WDR75: variants seen among roughly 807,000 people sequenced by gnomAD.
WDR75 encodes WD repeat domain 75, also known as WD repeat-containing protein 75.
WDR75 carries 52 observed loss-of-function variants against 106.1 expected under a neutral mutation model. The observed-to-expected ratio is 0.49, with a 90% CI of 0.39 to 0.62. The LOEUF (loss-of-function observed/expected upper bound fraction) is 0.62. Ranked by LOEUF, WDR75 falls within the 20% of genes least tolerant of loss-of-function variation. The probability of loss-of-function intolerance (pLI) is 0.00; values close to 1 mark genes in which losing one functional copy is unlikely to be tolerated. For missense variants in WDR75, 905 were observed against 970.3 expected (o/e 0.93, Z 0.89); for synonymous variants, 333 against 335.5 (o/e 0.99, Z 0.08).
At chr2:189,459,584 A>G (rs1158279861) in intron 8 of WDR75, among the ~76,000 whole-genome samples, 160 bp downstream of exon 8, 2 of 152,224 alleles carry the variant, frequency 1.3e-5, no homozygotes, top group African/African-American at 2.4e-5. Flanking sequence ...TCAGCACAAT[A>G]TGCTTTAGGT....
intron 18 of WDR75, among the ~76,000 whole-genome samples, chr2:189,472,907 A>T (rs906740200): frequency 1.0e-5 from 1 of 95,680 alleles, no homozygotes; most frequent in Non-Finnish European, 2.5e-5. Context: ...ATGCTAGAGG[A>T]AAAAAAAAAG....
At position 189,447,203 on chromosome 2, in the gene WDR75, T is replaced by C. The variant is rs146684990; in HGVS notation, c.87-1176T>C. ...TATAATAGACACAGAGCAAATACTT[T>C]TTACTTGGAAGATACAAGAAGATTT... On this transcript the variant is annotated intron_variant, in intron 1 of 20. Transcript: ENST00000314761. Among the ~76,000 whole-genome samples the C allele has an allele frequency of 6.4e-3, 982 of 152,328 alleles. 3 individuals carry two copies. Among genetic ancestry groups the C allele is most frequent in the Non-Finnish European group, 0.011 (720 of 68,022 alleles).
intron 1 of WDR75, among the ~76,000 whole-genome samples, 157 bp from the exon 2 acceptor site, chr2:189,448,222 A>G (rs973266131): frequency 6.6e-6 from 1 of 152,208 alleles, no homozygotes; most frequent in African/African-American, 2.4e-5. Flanking sequence ...CTAGGCTCCC[A>G]CCTGTAATCT....
intron 7 of WDR75, 51 bp downstream of exon 7, chr2:189,458,923 T>C (rs771900001): frequency 6.5e-7 from 1 of 1,540,140 alleles, no homozygotes; most frequent in Non-Finnish European, 8.7e-7. Context: ...TATTTTACGT[T>C]AGTCCTGTAG....
At chr2:189,455,109 C>G (rs1195406859) in intron 4 of WDR75, among the ~76,000 whole-genome samples, 1 of 151,974 alleles carries the variant, frequency 6.6e-6, no homozygotes, top group African/African-American at 2.4e-5. Flanking sequence ...GGCTTGATGT[C>G]ACATGCCTGT....
At chr2:189,462,715 A>C in intron 9 of WDR75, 73 bp downstream of exon 9, 1 of 1,415,604 alleles carries the variant, frequency 7.1e-7, no homozygotes, top group South Asian at 1.3e-5. Flanking sequence ...GGGAACAGAG[A>C]ATAAAGAGAC....
At chr2:189,471,382 G>A (rs1461684352) in intron 18 of WDR75, among the ~76,000 whole-genome samples, 2 of 152,108 alleles carry the variant, frequency 1.3e-5, no homozygotes, top group Non-Finnish European at 2.9e-5. Context: ...TCCCCATATG[G>A]GTAAATGTTA....
chr2:189,453,583 G>C (rs950903483), intron 4 of WDR75, among the ~76,000 whole-genome samples: 1 of 152,154 alleles, frequency 6.6e-6, no homozygotes, highest in African/African-American at 2.4e-5. Context: ...CTGATCTAAA[G>C]TAAAGATCTT....
rs752687566 is a variant in WDR75 at position 189,465,073 on chromosome 2, C to T, written c.1114-6C>T. 4 of 1,536,472 alleles carry T rather than the reference C, an allele frequency of 2.6e-6. No individual in the cohort carries two copies. The highest frequency in any genetic ancestry group is 1.2e-5 in the South Asian group (1 of 80,154). On this transcript the variant is annotated splice_region_variant and splice_polypyrimidine_tract_variant and intron_variant, in intron 11 of 20. Transcript: ENST00000314761. ...TTTTGGTTTTTTGGTTTTTTTTACT[C>T]ATCAGTTAGATATTATACAGCAAGA... is the stretch of plus-strand genomic sequence containing the variant.
At chr2:189,445,983 T>C (rs1214969048) in intron 1 of WDR75, among the ~76,000 whole-genome samples, 7 of 152,184 alleles carry the variant, frequency 4.6e-5, no homozygotes, top group Non-Finnish European at 1.0e-4. Context: ...TCCTTTTTTC[T>C]GAGGAAGCTT....
intron 1 of WDR75, among the ~76,000 whole-genome samples, chr2:189,444,571 G>A (rs1686454671): frequency 6.6e-6 from 1 of 151,972 alleles, no homozygotes; most frequent in African/African-American, 2.4e-5. Flanking sequence ...TTGCCCACAA[G>A]CTAATGTCCC....
At chr2:189,466,367 C>T in intron 12 of WDR75, 58 bp from the exon 13 acceptor site, 1 of 1,573,094 alleles carries the variant, frequency 6.4e-7, no homozygotes, top group Non-Finnish European at 8.7e-7. Context: ...GTCAGAAATT[C>T]TTATATACAT....
At chr2:189,461,292 T>G (rs1686876567) in intron 8 of WDR75, among the ~76,000 whole-genome samples, 1 of 152,234 alleles carries the variant, frequency 6.6e-6, no homozygotes, top group Non-Finnish European at 1.5e-5. Context: ...AAGGTAGTCT[T>G]TTGCAGGCTT....
intron 6 of WDR75, among the ~76,000 whole-genome samples, chr2:189,458,285 A>G (rs1250922554): frequency 6.6e-6 from 1 of 152,212 alleles, no homozygotes; most frequent in African/African-American, 2.4e-5. Flanking sequence ...ATTGACAAGT[A>G]TTCAGCCAAA....
intron 8 of WDR75, 50 bp downstream of exon 8, chr2:189,459,474 G>A: frequency 6.7e-7 from 1 of 1,499,558 alleles, no homozygotes. Flanking sequence ...TATGATTCAA[G>A]TGTTTTAATT....
At position 189,469,945 on chromosome 2, in the gene WDR75, G is replaced by A. The variant is rs1358574738; in HGVS notation, c.1820-131G>A. ...CACAGTAGATACCTCTTGAATCAAA[G>A]CCTAAAACAGTCATGACTTGGGCCA... On this transcript the variant is annotated intron_variant, in intron 16 of 20. Coordinates refer to ENST00000314761, the MANE Select transcript of WDR75 (RefSeq NM_032168.3). The A allele has an allele frequency of 1.0e-5, 8 of 781,326 alleles. No individual in the cohort carries two copies. The Admixed American group carries it at 1.5e-4, about 15-fold the overall frequency. 48.4% of individuals were successfully genotyped at this position (781,326 alleles called of 1,614,324 possible). A position where few individuals can be genotyped will look rare whatever the true frequency, so the allele number is the denominator to read the frequency against.
chr2:189,470,704 A>G, intron 17 of WDR75, 115 bp from the exon 18 acceptor site: 1 of 576,932 alleles, frequency 1.7e-6, no homozygotes, highest in East Asian at 3.3e-5. Flanking sequence ...TCTGTTGTCA[A>G]ATATATATAT....
chr2:189,441,915 T>C (rs752895085), intron 1 of WDR75, among the ~76,000 whole-genome samples: 79 of 152,322 alleles, frequency 5.2e-4, no homozygotes, highest in Middle Eastern at 3.4e-3. Flanking sequence ...TACTCTTTCG[T>C]ACAGAATCAT....
chr2:189,450,782 C>CA, intron 2 of WDR75, 121 bp from the exon 3 acceptor site: 1 of 1,497,570 alleles, frequency 6.7e-7, no homozygotes, highest in Non-Finnish European at 8.8e-7. Context: ...GACTCTACCT[C>CA]TTTAAGGTTA....
Sources: allele counts gnomAD v4.1 joint callset (sites outside exome capture counted in the v4.1 genomes callset), GRCh38; gene constraint gnomAD v4.1.1; transcripts MANE v1.5; gene names NCBI Gene and HGNC (gene_info 2026-07-23, HGNC 2026-07-21).